Variants in THBS4 observed in about 807,000 individuals in gnomAD.
THBS4 encodes the protein thrombospondin 4, also known as thrombospondin-4.
Under a neutral mutation model 115.7 loss-of-function variants are expected in THBS4, and 90 were observed. That is an observed-to-expected ratio of 0.78 (90% CI 0.66 to 0.93). The LOEUF is 0.93. Ranked by LOEUF, THBS4 falls within the 40% of genes least tolerant of loss-of-function variation. The probability of loss-of-function intolerance (pLI) is 0.00; values close to 1 mark genes in which losing one functional copy is unlikely to be tolerated. For missense variants in THBS4, 1,087 were observed against 1,232.7 expected (o/e 0.88, Z 1.77); for synonymous variants, 460 against 479.3 (o/e 0.96, Z 0.53).
intron 16 of THBS4, among the ~76,000 whole-genome samples, chr5:80,077,582 G>T (rs1399020693): frequency 6.6e-6 from 1 of 152,220 alleles, no homozygotes; most frequent in African/African-American, 2.4e-5. Context: ...CAGTGCACAT[G>T]CAAAAATGCC....
chr5:80,006,810 A>C (rs1296642914), intron 2 of THBS4, among the ~76,000 whole-genome samples: 1 of 152,232 alleles, frequency 6.6e-6, no homozygotes, highest in African/African-American at 2.4e-5. Flanking sequence ...TGAGTGATGG[A>C]TACTCTAAAA....
In THBS4 at chr5:80,065,579, C is replaced by T. The variant is rs1833789607; in HGVS notation, c.1194+102C>T. 5 of 1,021,548 alleles carry T rather than the reference C, an allele frequency of 4.9e-6. No individual in the cohort carries two copies. In the Admixed American group the frequency reaches 7.5e-5, roughly 15 times the overall value. The allele number at this position is 1,021,548 out of a possible 1,614,324, so 63.3% of individuals were successfully genotyped here. On this transcript the variant is annotated intron_variant, in intron 9 of 21. Coordinates refer to ENST00000350881, the MANE Select transcript of THBS4 (RefSeq NM_003248.6). ...TCCAAACACACCTAGAACATGTGGGCATAATATATTTGATTGGCAGAATAA... is the reference window on the plus strand; with the variant it reads ...TCCAAACACACCTAGAACATGTGGGTATAATATATTTGATTGGCAGAATAA...
At chr5:80,015,591 T>G (rs2434320) in intron 2 of THBS4, among the ~76,000 whole-genome samples, 87,590 of 151,920 alleles carry the variant, frequency 0.58, 25,882 homozygotes, top group African/African-American at 0.71. Context: ...TTATAATACT[T>G]TGTTTCACTG....
In THBS4 at chr5:80,072,414, G is replaced by A; in HGVS notation, c.1839+18G>A. On this transcript the variant is annotated intron_variant, in intron 14 of 21. Transcript: ENST00000350881. ...CTAACCAGGTTAGTAGGATACTGGG[G>A]AATTCAAACTCCAGGCTGAATTCCT... is the stretch of plus-strand genomic sequence containing the variant. 2 of 1,600,188 alleles carry A rather than the reference G, an allele frequency of 1.2e-6. No individual in the cohort carries two copies. The highest frequency in any genetic ancestry group is 1.7e-6 in the Non-Finnish European group (2 of 1,167,674).
chr5:80,082,939 G>C (rs372041375), intron 21 of THBS4, 141 bp from the exon 22 acceptor site: 2 of 767,052 alleles, frequency 2.6e-6, no homozygotes, highest in African/African-American at 1.7e-5. Context: ...CAGCCTGCAG[G>C]AGAAAATGGC....
At chr5:80,079,873 T>G (rs371209203) in intron 19 of THBS4, 32 bp from the exon 20 acceptor site, 1 of 1,607,300 alleles carries the variant, frequency 6.2e-7, no homozygotes, top group Non-Finnish European at 8.5e-7. Context: ...GCCTGTGTCC[T>G]GTCCTAAAAC....
chr5:80,026,564 A>G (rs541633777), intron 2 of THBS4, among the ~76,000 whole-genome samples: 2 of 152,352 alleles, frequency 1.3e-5, no homozygotes, highest in South Asian at 4.1e-4. Flanking sequence ...CAACTACTCA[A>G]CTGTGCCATT....
Position 80,058,805 on chromosome 5 carries a change from A to G in THBS4, c.732+15A>G, listed in dbSNP as rs1833520747. 2 of 1,611,066 alleles carry G rather than the reference A, an allele frequency of 1.2e-6. No homozygotes were observed. The highest frequency in any genetic ancestry group is 1.1e-5 in the South Asian group (1 of 90,694). On this transcript the variant is annotated intron_variant, in intron 5 of 21. Transcript: ENST00000350881. ...TGAGACAGCAGGTAACAAGCGGGAC[A>G]TATCATCAGAAAAGCCCTCGTCTTC...
At chr5:80,080,787 A>T (rs1489728348) in intron 20 of THBS4, among the ~76,000 whole-genome samples, 1 of 151,696 alleles carries the variant, frequency 6.6e-6, no homozygotes, top group African/African-American at 2.4e-5. Context: ...GGGTTTCACC[A>T]TGCTGGCCAG....
rs370734934 is a variant in THBS4, at chr5:80,062,565, A to G, written c.1125+733A>G. Reference sequence around the variant, plus strand: ...AAGTTATTGTTATACTTTAAGTTCTAGGGTACATATGCACAACGTGCAGGT... The same window carrying G: ...AAGTTATTGTTATACTTTAAGTTCTGGGGTACATATGCACAACGTGCAGGT... On this transcript the variant is annotated intron_variant, in intron 8 of 21. Transcript: ENST00000350881. Among the ~76,000 whole-genome samples the G allele has an allele frequency of 4.7e-4, 72 of 152,318 alleles. No individual in the cohort carries two copies. In the East Asian group the frequency reaches 6.0e-3, roughly 13 times the overall value.
chr5:80,067,257 A>T (rs1026190363), intron 9 of THBS4: 2 of 152,172 alleles, frequency 1.3e-5, no homozygotes, highest in Non-Finnish European at 2.9e-5. Context: ...ATGTATACGT[A>T]TATCACATCA....
chr5:80,051,057 C>T (rs2434278), intron 2 of THBS4, among the ~76,000 whole-genome samples: 83,460 of 151,928 alleles, frequency 0.55, 23,362 homozygotes, highest in African/African-American at 0.65. Context: ...TTTTCCCCTG[C>T]GTTTTGTTCC....
chr5:79,997,996 G>A (rs1372254029), intron 1 of THBS4, among the ~76,000 whole-genome samples: 3 of 152,216 alleles, frequency 2.0e-5, no homozygotes, highest in South Asian at 4.2e-4. Flanking sequence ...CACAGACTGG[G>A]AGAAAAAAAT....
chr5:80,060,013 C>A (rs1833579368), intron 7 of THBS4, 108 bp downstream of exon 7: 7 of 1,097,786 alleles, frequency 6.4e-6, no homozygotes, highest in Non-Finnish European at 8.0e-6. Flanking sequence ...GGGCTGTCCT[C>A]CAGGCTCCAT....
At chr5:80,032,244 C>T (rs147000372), upstream of THBS4, among the ~76,000 whole-genome samples, 1 of 152,268 alleles carries the variant, frequency 6.6e-6, no homozygotes, top group Non-Finnish European at 1.5e-5. Flanking sequence ...TTTACTGAGA[C>T]TCCCTAGCGA....
At chr5:80,003,098 A>G (rs1052481897) in intron 2 of THBS4, among the ~76,000 whole-genome samples, 1 of 152,018 alleles carries the variant, frequency 6.6e-6, no homozygotes, top group African/African-American at 2.4e-5. Context: ...ATTGTGGTTA[A>G]CTCCTGGGAT....
intron 13 of THBS4, chr5:80,071,685 CAT>C (rs1491095345): frequency 8.8e-4 from 135 of 152,700 alleles, no homozygotes; most frequent in East Asian, 2.0e-3. Flanking sequence ...CACACACACA[CAT>C]ACACCACTCC....
intron 1 of THBS4, among the ~76,000 whole-genome samples, chr5:79,993,869 T>C (rs1213792367): frequency 6.6e-6 from 1 of 152,184 alleles, no homozygotes; most frequent in Non-Finnish European, 1.5e-5. Flanking sequence ...AATTGTAAAG[T>C]CTTAAATATC....
chr5:80,065,315 C>A, intron 8 of THBS4, 94 bp from the exon 9 acceptor site: 1 of 1,161,704 alleles, frequency 8.6e-7, no homozygotes, highest in Non-Finnish European at 1.3e-6. Flanking sequence ...CGCATCTTCA[C>A]TTCACACAAA....
Sources: gnomAD v4.1 joint callset for allele counts (sites outside exome capture counted in the v4.1 genomes callset) on GRCh38, gnomAD v4.1.1 for gene constraint, MANE v1.5 for transcripts, NCBI Gene and HGNC (gene_info 2026-07-23, HGNC 2026-07-21) for gene names.